Variants in KCNA2 observed in about 807,000 individuals in gnomAD.
KCNA2 encodes the protein potassium voltage-gated channel subfamily A member 2.
Under a neutral mutation model 33.4 loss-of-function variants are expected in KCNA2, and 11 were observed. The observed-to-expected ratio is 0.33, with a 90% CI of 0.21 to 0.55. The LOEUF is 0.55. Among genes scored for constraint, KCNA2 ranks in the 20% least tolerant of loss-of-function variants. The pLI is 0.93. For synonymous variants in KCNA2, 222 were observed against 231.3 expected (o/e 0.96, Z 0.37); for missense variants, 291 against 621.6 (o/e 0.47, Z 5.66).
intron 1 of KCNA2, among the ~76,000 whole-genome samples, chr1:110,614,020 T>C (rs778535514): frequency 1.3e-5 from 2 of 152,212 alleles, no homozygotes; most frequent in Non-Finnish European, 2.9e-5. Context: ...AACTTTTCAA[T>C]TGCCTTTTGT....
In KCNA2 at chr1:110,602,245, T is replaced by C. The variant is rs928106767; in HGVS notation, c.*1038A>G. 5.3e-6 allele frequency: 8 copies of C among 1,518,032 alleles called. No individual in the cohort carries two copies. The highest frequency in any genetic ancestry group is 2.8e-5 in the African/African-American group (2 of 71,992). The allele number at this position is 1,518,032 out of a possible 1,614,324, so 94.0% of individuals were successfully genotyped here. A position where few individuals can be genotyped will look rare whatever the true frequency, so the allele number is the denominator to read the frequency against. ...TCCATTCCAAATAGTCTATTTTTTT[T>C]CCCCTGATGGAGGGATTTTTGCCTT... On this transcript the variant is annotated 3_prime_UTR_variant, in exon 3 of 3. Coordinates refer to ENST00000316361, the MANE Select transcript of KCNA2 (RefSeq NM_004974.4).
At position 110,600,050 on chromosome 1, in the gene KCNA2, G is replaced by A. The variant is rs903113930; in HGVS notation, c.*3233C>T. 1 of 984,420 alleles carries A rather than the reference G, an allele frequency of 1.0e-6. No homozygotes were observed. The highest frequency in any genetic ancestry group is 1.8e-5 in the African/African-American group (1 of 56,514). 61.0% of individuals were successfully genotyped at this position (984,420 alleles called of 1,614,324 possible). A position where few individuals can be genotyped will look rare whatever the true frequency, so the allele number is the denominator to read the frequency against. The stretch of plus-strand genomic sequence containing the variant: ...TCTCAGGAGTGAAATCTGGTAGTGA[G>A]AGAAAAGAATAGAGAAAGAGATTCC... On this transcript the variant is annotated 3_prime_UTR_variant, in exon 3 of 3. Transcript: ENST00000316361.
Position 110,602,318 on chromosome 1 carries a change from T to A in KCNA2, c.*965A>T. The A allele has an allele frequency of 6.9e-7, 1 of 1,445,670 alleles. No homozygotes were observed. Among genetic ancestry groups the A allele is most frequent in the Non-Finnish European group, 9.0e-7 (1 of 1,105,876 alleles). 89.6% of individuals were successfully genotyped at this position (1,445,670 alleles called of 1,614,324 possible). On this transcript the variant is annotated 3_prime_UTR_variant, in exon 3 of 3. Coordinates refer to ENST00000316361, the MANE Select transcript of KCNA2 (RefSeq NM_004974.4). ...TTCAAGACCATTCCAAGCCTATTAA[T>A]ACTCTAAATATTAACACTGTGTAGG...
intron 1 of KCNA2, among the ~76,000 whole-genome samples, chr1:110,625,309 A>G (rs1339731213): frequency 6.6e-6 from 1 of 152,230 alleles, no homozygotes; most frequent in East Asian, 1.9e-4. Context: ...ATGGAATTGA[A>G]TGGGAAGTTC....
At chr1:110,629,489 G>T (rs894309119) in intron 1 of KCNA2, among the ~76,000 whole-genome samples, 3 of 152,218 alleles carry the variant, frequency 2.0e-5, no homozygotes, top group Non-Finnish European at 4.4e-5. Flanking sequence ...TTGTCCAGAT[G>T]CTGTTAACGT....
chr1:110,604,866 G>T lies in KCNA2; in HGVS notation c.-84C>A. 7.6e-7 allele frequency: 1 copy of T among 1,308,864 alleles called. No individual in the cohort carries two copies. Among genetic ancestry groups the T allele is most frequent in the Non-Finnish European group, 1.1e-6 (1 of 939,536 alleles). The allele number at this position is 1,308,864 out of a possible 1,614,324, so 81.1% of individuals were successfully genotyped here. On this transcript the variant is annotated 5_prime_UTR_variant, in exon 3 of 3. Coordinates refer to ENST00000316361, the MANE Select transcript of KCNA2 (RefSeq NM_004974.4). The surrounding 1 kb of genome is among the most constrained non-coding windows in gnomAD (Gnocchi z 7.6). ...CTCAGGGTGCTGCTACTGGCCCCAG[G>T]AAGCACAGGAGCATTGGCCTGGTCT... is the stretch of plus-strand genomic sequence containing the variant.
chr1:110,623,070 C>T (rs926860037), intron 1 of KCNA2, among the ~76,000 whole-genome samples: 2 of 152,140 alleles, frequency 1.3e-5, no homozygotes, highest in African/African-American at 2.4e-5. Context: ...TCAAGACTTA[C>T]TACAAGGCTG....
rs1322776218 is a variant in KCNA2 at position 110,599,728 on chromosome 1, G to A, written c.*3555C>T. ...CTGGTCCTGGGCTCAAGATCCTGCA[G>A]TTTCTTGAGCCATTACTGCTTTTAA... On this transcript the variant is annotated 3_prime_UTR_variant, in exon 3 of 3. Transcript: ENST00000316361. The A allele has an allele frequency of 1.0e-6, 1 of 985,326 alleles. No individual in the cohort carries two copies. Among genetic ancestry groups the A allele is most frequent in the Non-Finnish European group, 1.2e-6 (1 of 829,962 alleles). The allele number at this position is 985,326 out of a possible 1,614,324, so 61.0% of individuals were successfully genotyped here.
At position 110,596,746 on chromosome 1, in the gene KCNA2, C is replaced by T; in HGVS notation, c.*6537G>A. 1.0e-6 allele frequency: 1 copy of T among 985,482 alleles called. No individual in the cohort carries two copies. Among genetic ancestry groups the T allele is most frequent in the Non-Finnish European group, 1.2e-6 (1 of 829,942 alleles). The allele number at this position is 985,482 out of a possible 1,614,324, so 61.0% of individuals were successfully genotyped here. A position where few individuals can be genotyped will look rare whatever the true frequency, so the allele number is the denominator to read the frequency against. ...AACCAGACATGCTTTCCCATTCCCA[C>T]TCAAATAACCAAAATTGCAAAGCAA... is the stretch of plus-strand genomic sequence containing the variant. On this transcript the variant is annotated 3_prime_UTR_variant, in exon 3 of 3. Coordinates refer to ENST00000316361, the MANE Select transcript of KCNA2 (RefSeq NM_004974.4).
chr1:110,615,442 A>T (rs958400118), intron 1 of KCNA2, among the ~76,000 whole-genome samples: 1 of 152,124 alleles, frequency 6.6e-6, no homozygotes, highest in Non-Finnish European at 1.5e-5. Context: ...AAACATACAT[A>T]TTTTCTGAAT....
Position 110,594,318 on chromosome 1 carries a change from T to G in KCNA2, c.*8965A>C. The G allele has an allele frequency of 1.1e-6, 1 of 915,392 alleles. No individual in the cohort carries two copies. Among genetic ancestry groups the G allele is most frequent in the Non-Finnish European group, 1.3e-6 (1 of 770,450 alleles). The allele number at this position is 915,392 out of a possible 1,614,324, so 56.7% of individuals were successfully genotyped here. A position where few individuals can be genotyped will look rare whatever the true frequency, so the allele number is the denominator to read the frequency against. Reference sequence around the variant, plus strand: ...CTATATATATATATACATATATATATATATGTGTGTGTATATATATATACA... The same window carrying G: ...CTATATATATATATACATATATATAGATATGTGTGTGTATATATATATACA... On this transcript the variant is annotated 3_prime_UTR_variant, in exon 3 of 3. Transcript: ENST00000316361.
Position 110,595,948 on chromosome 1 carries a change from G to C in KCNA2, c.*7335C>G, listed in dbSNP as rs1396368927. 1.0e-6 allele frequency: 1 copy of C among 985,406 alleles called. No homozygotes were observed. Among genetic ancestry groups the C allele is most frequent in the Non-Finnish European group, 1.2e-6 (1 of 829,924 alleles). 61.0% of individuals were successfully genotyped at this position (985,406 alleles called of 1,614,324 possible). A position where few individuals can be genotyped will look rare whatever the true frequency, so the allele number is the denominator to read the frequency against. ...TCTTCAAGCTTTCCACTCCCCTCGA[G>C]TACAAAGTTTGGAATAACTTTTCTG... On this transcript the variant is annotated 3_prime_UTR_variant, in exon 3 of 3. Coordinates refer to ENST00000316361, the MANE Select transcript of KCNA2 (RefSeq NM_004974.4).
In KCNA2 at chr1:110,597,174, C is replaced by A; in HGVS notation, c.*6109G>T. The A allele has an allele frequency of 1.0e-6, 1 of 985,436 alleles. No individual in the cohort carries two copies. Among genetic ancestry groups the A allele is most frequent in the Non-Finnish European group, 1.2e-6 (1 of 829,932 alleles). The allele number at this position is 985,436 out of a possible 1,614,324, so 61.0% of individuals were successfully genotyped here. A position where few individuals can be genotyped will look rare whatever the true frequency, so the allele number is the denominator to read the frequency against. On this transcript the variant is annotated 3_prime_UTR_variant, in exon 3 of 3. Transcript: ENST00000316361. ...AGTCAGAGGGCAATTCCCAAATCTG[C>A]CCAGGCTACTGATCCCAAGTGCAAA...
rs575893767 is a variant in KCNA2 at position 110,597,469 on chromosome 1, A to G, written c.*5814T>C. ...GGATGCTGTATGACAGCAGGCAGAA[A>G]TGGGGAGACAGAGGGAGAGGGGACA... On this transcript the variant is annotated 3_prime_UTR_variant, in exon 3 of 3. Coordinates refer to ENST00000316361, the MANE Select transcript of KCNA2 (RefSeq NM_004974.4). 1.0e-6 allele frequency: 1 copy of G among 985,466 alleles called. No homozygotes were observed. The highest frequency in any genetic ancestry group is 6.1e-5 in the Admixed American group (1 of 16,286). The allele number at this position is 985,466 out of a possible 1,614,324, so 61.0% of individuals were successfully genotyped here.
chr1:110,594,632 T>TG lies in KCNA2; in HGVS notation c.*8650dup. 1.0e-6 allele frequency: 1 copy of TG among 985,386 alleles called. No homozygotes were observed. Among genetic ancestry groups the TG allele is most frequent in the Non-Finnish European group, 1.2e-6 (1 of 829,950 alleles). 61.0% of individuals were successfully genotyped at this position (985,386 alleles called of 1,614,324 possible). A position where few individuals can be genotyped will look rare whatever the true frequency, so the allele number is the denominator to read the frequency against. On this transcript the variant is annotated 3_prime_UTR_variant, in exon 3 of 3. Coordinates refer to ENST00000316361, the MANE Select transcript of KCNA2 (RefSeq NM_004974.4). ...TTGATCATGGGACTTTCCAGCTTCC[T>TG]GGGGCCCTTCAAATGAAGGAACCAT...
intron 1 of KCNA2, among the ~76,000 whole-genome samples, chr1:110,618,070 G>A (rs1473702038): frequency 3.9e-5 from 6 of 152,196 alleles, no homozygotes; most frequent in East Asian, 1.9e-4. Flanking sequence ...GCCTGGGTGC[G>A]GCGGCTCATG....
At chr1:110,613,891 C>T (rs549800746) in intron 1 of KCNA2, among the ~76,000 whole-genome samples, 62 of 152,284 alleles carry the variant, frequency 4.1e-4, no homozygotes, top group Admixed American at 2.0e-3. Context: ...GGCTGGACCT[C>T]GTCCTGTCCA....
At position 110,599,191 on chromosome 1, in the gene KCNA2, C is replaced by T. The variant is rs1649231830; in HGVS notation, c.*4092G>A. ...GGCCTGATCCAAAGCCTGACTGCAA[C>T]TCTTTACTTCCGATGTAGGTGAAGC... On this transcript the variant is annotated 3_prime_UTR_variant, in exon 3 of 3. Coordinates refer to ENST00000316361, the MANE Select transcript of KCNA2 (RefSeq NM_004974.4). The T allele has an allele frequency of 1.0e-6, 1 of 985,348 alleles. No homozygotes were observed. The highest frequency in any genetic ancestry group is 1.7e-5 in the African/African-American group (1 of 57,252). 61.0% of individuals were successfully genotyped at this position (985,348 alleles called of 1,614,324 possible). A position where few individuals can be genotyped will look rare whatever the true frequency, so the allele number is the denominator to read the frequency against.
chr1:110,601,777 AATAT>A lies in KCNA2; in HGVS notation c.*1502_*1505del, dbSNP rs149560146. 467 of 985,854 alleles carry A rather than the reference AATAT, an allele frequency of 4.7e-4. No individual in the cohort carries two copies. Among genetic ancestry groups the A allele is most frequent in the African/African-American group, 2.1e-3 (113 of 54,786 alleles). The allele number at this position is 985,854 out of a possible 1,614,324, so 61.1% of individuals were successfully genotyped here. ...TCCTGAACCTGAACTCCAGAAAATG[AATAT>A]ATATATATATATATGTGTGTGTGTG... On this transcript the variant is annotated 3_prime_UTR_variant, in exon 3 of 3. Coordinates refer to ENST00000316361, the MANE Select transcript of KCNA2 (RefSeq NM_004974.4).
Sources: allele counts gnomAD v4.1 joint callset (sites outside exome capture counted in the v4.1 genomes callset), GRCh38; gene constraint gnomAD v4.1.1; non-coding constraint Gnocchi (gnomAD v3.1); transcripts MANE v1.5; gene names NCBI Gene and HGNC (gene_info 2026-07-23, HGNC 2026-07-21).